GALNT13: variants seen among roughly 807,000 people sequenced by gnomAD.
GALNT13 encodes UDP-GalNAc:polypeptide N-acetylgalactosaminyltransferase 13.
GALNT13 carries 28 observed loss-of-function variants against 64.2 expected under a neutral mutation model. The observed-to-expected ratio is 0.44, with a 90% CI of 0.32 to 0.60. GALNT13 has a LOEUF of 0.60. GALNT13 is among the 20% of genes least tolerant of loss of function. The pLI, the probability that GALNT13 is intolerant of heterozygous loss-of-function variation, is 0.05. For missense variants in GALNT13, 577 were observed against 669.8 expected (o/e 0.86, Z 1.53); for synonymous variants, 214 against 224.6 (o/e 0.95, Z 0.42).
intron 4 of GALNT13, among the ~76,000 whole-genome samples, chr2:154,207,053 C>G (rs1006076927): frequency 1.3e-5 from 2 of 152,136 alleles, no homozygotes; most frequent in Non-Finnish European, 2.9e-5. Context: ...CACACTGCTA[C>G]CAGAGATGAT....
intron 3 of GALNT13, among the ~76,000 whole-genome samples, chr2:154,058,131 T>A (rs1699991063): frequency 6.6e-6 from 1 of 152,138 alleles, no homozygotes; most frequent in South Asian, 2.1e-4. Flanking sequence ...GTGGTCTTGA[T>A]CTAATAGGAG....
chr2:153,099,962 C>CG, the GALNT13 span, among the ~76,000 whole-genome samples: 3 of 152,124 alleles, frequency 2.0e-5, no homozygotes, highest in Non-Finnish European at 4.4e-5. Context: ...TGAGGAAACA[C>CG]GTTTTTGTAA....
At chr2:154,003,346 G>C (rs1283816108) in intron 3 of GALNT13, among the ~76,000 whole-genome samples, 1 of 152,138 alleles carries the variant, frequency 6.6e-6, no homozygotes, top group African/African-American at 2.4e-5. Context: ...TGAGTCTAAG[G>C]AAATTCTCTG....
intron 9 of GALNT13, among the ~76,000 whole-genome samples, chr2:154,362,367 T>C (rs1697121597): frequency 6.6e-6 from 1 of 151,888 alleles, no homozygotes; most frequent in Non-Finnish European, 1.5e-5. Context: ...AGGTTTTGAT[T>C]CTCAGACTAA....
intron 3 of GALNT13, among the ~76,000 whole-genome samples, chr2:153,986,522 C>T (rs1250654908): frequency 5.9e-5 from 9 of 151,900 alleles, no homozygotes; most frequent in Admixed American, 5.3e-4. Flanking sequence ...GCAGCAGTTT[C>T]TCAATTCGAA....
At chr2:153,640,311 G>A in the GALNT13 span, among the ~76,000 whole-genome samples, 1 of 152,072 alleles carries the variant, frequency 6.6e-6, no homozygotes, top group South Asian at 2.1e-4. Flanking sequence ...TCCAAGTGTG[G>A]AGATCAGAGG....
chr2:153,630,433 A>G, the GALNT13 span, among the ~76,000 whole-genome samples: 6 of 137,710 alleles, frequency 4.4e-5, no homozygotes, highest in East Asian at 2.3e-4. Context: ...TCACTCATAG[A>G]TGGGAATTGA....
At chr2:154,140,303 T>G in intron 3 of GALNT13, 34 bp from the exon 4 acceptor site, 1 of 1,534,898 alleles carries the variant, frequency 6.5e-7, no homozygotes, top group Non-Finnish European at 9.0e-7. Context: ...TCTGTGTGTT[T>G]GTATGTATGT....
At chr2:153,767,917 G>T in the GALNT13 span, among the ~76,000 whole-genome samples, 1 of 151,850 alleles carries the variant, frequency 6.6e-6, no homozygotes, top group African/African-American at 2.4e-5. Context: ...TTACTCTGTT[G>T]ATAATTTCTT....
intron 2 of GALNT13, among the ~76,000 whole-genome samples, chr2:153,903,396 A>G (rs1688358790): frequency 6.6e-6 from 1 of 152,060 alleles, no homozygotes; most frequent in African/African-American, 2.4e-5. Context: ...TGTAAAAGTA[A>G]TTGCATTTTT....
intron 7 of GALNT13, among the ~76,000 whole-genome samples, chr2:154,251,644 A>G (rs1015615046): frequency 1.3e-5 from 2 of 152,318 alleles, no homozygotes; most frequent in Middle Eastern, 3.4e-3. Flanking sequence ...AGAAAGCCAC[A>G]TCTTCATACC....
rs113660205 is a variant in GALNT13, at chr2:154,197,157, G to A, written c.312-44873G>A. ...TTAAAAAGTGCCAGGCAGAGGTTGC[G>A]GTGAGCCGAGATCACGTCATTGCAC... On this transcript the variant is annotated intron_variant, in intron 4 of 12. Transcript: ENST00000392825. Among the ~76,000 whole-genome samples, 1,041 of 151,954 alleles carry A rather than the reference G, an allele frequency of 6.9e-3. 9 individuals are homozygous for A. Among genetic ancestry groups the A allele is most frequent in the African/African-American group, 0.024 (998 of 41,412 alleles).
the GALNT13 span, among the ~76,000 whole-genome samples, chr2:153,707,720 T>C: frequency 1.3e-5 from 2 of 152,324 alleles, no homozygotes; most frequent in South Asian, 2.1e-4. Flanking sequence ...GCCCATCATG[T>C]TCTGTGGGGC....
chr2:153,879,005 T>C (rs1408028802), intron 1 of GALNT13, among the ~76,000 whole-genome samples: 1 of 152,216 alleles, frequency 6.6e-6, no homozygotes, highest in Non-Finnish European at 1.5e-5. Flanking sequence ...GTCCCACTGA[T>C]ACAGAGTCTC....
the GALNT13 span, among the ~76,000 whole-genome samples, chr2:153,742,267 T>C: frequency 6.6e-6 from 1 of 152,170 alleles, no homozygotes; most frequent in Non-Finnish European, 1.5e-5. Context: ...CTTCATATAA[T>C]GTCCTCCAGG....
At chr2:153,287,123 A>C in the GALNT13 span, among the ~76,000 whole-genome samples, 1 of 152,222 alleles carries the variant, frequency 6.6e-6, no homozygotes, top group African/African-American at 2.4e-5. Context: ...TTCACAAATA[A>C]TGAGGTGAGA....
At chr2:153,378,726 G>A in the GALNT13 span, among the ~76,000 whole-genome samples, 2 of 152,034 alleles carry the variant, frequency 1.3e-5, no homozygotes, top group Admixed American at 6.6e-5. Context: ...CCCTTTAAAC[G>A]CTTGAAAAAT....
chr2:153,830,240 G>A, the GALNT13 span, among the ~76,000 whole-genome samples: 1 of 151,918 alleles, frequency 6.6e-6, no homozygotes, highest in East Asian at 1.9e-4. Flanking sequence ...TCATCACATG[G>A]CACTACCATA....
At chr2:154,416,725 C>A (rs1480897045) in intron 11 of GALNT13, among the ~76,000 whole-genome samples, 2 of 152,104 alleles carry the variant, frequency 1.3e-5, no homozygotes, top group African/African-American at 4.8e-5. Flanking sequence ...TTAAGTAAAT[C>A]CAATAGGCCC....
Sources: allele counts gnomAD v4.1 joint callset (sites outside exome capture counted in the v4.1 genomes callset), GRCh38; gene constraint gnomAD v4.1.1; transcripts MANE v1.5; gene names NCBI Gene and HGNC (gene_info 2026-07-23, HGNC 2026-07-21).